TMEM165: variants seen among roughly 807,000 people sequenced by gnomAD.
TMEM165 encodes the protein putative divalent cation/proton antiporter TMEM165.
A neutral mutation model predicts 30.0 loss-of-function variants in TMEM165; 19 were observed. The observed-to-expected ratio is 0.63, with a 90% CI of 0.44 to 0.93. The LOEUF (loss-of-function observed/expected upper bound fraction) is 0.93. Ranked by LOEUF, TMEM165 falls within the 40% of genes least tolerant of loss-of-function variation. TMEM165 has a pLI of 0.00. For synonymous variants in TMEM165, 168 were observed against 162.9 expected (o/e 1.03, Z -0.24); for missense variants, 340 against 417.0 (o/e 0.82, Z 1.61).
exon 4 of TMEM165, chr4:55,453,101 G>C (rs1295947655): frequency 1.2e-6 from 2 of 1,612,616 alleles, no homozygotes; most frequent in Non-Finnish European, 8.5e-7. Flanking sequence ...CCAAGTTCTC[G>C]TCGTCTTTCA....
intron 1 of TMEM165, among the ~76,000 whole-genome samples, chr4:55,398,040 G>C (rs552504787): frequency 2.6e-4 from 39 of 152,178 alleles, no homozygotes; most frequent in African/African-American, 9.4e-4. Context: ...CATTGTTTTC[G>C]TGTTTCATGT....
At chr4:55,430,328 C>A (rs1722415974), downstream of TMEM165, 1 of 150,204 alleles carries the variant, frequency 6.7e-6, no homozygotes, top group East Asian at 1.9e-4. Flanking sequence ...GTTATAAACA[C>A]TCACAACAAA....
chr4:55,418,489 A>C (rs1578241067), intron 4 of TMEM165, among the ~76,000 whole-genome samples: 2 of 150,348 alleles, frequency 1.3e-5, no homozygotes, highest in African/African-American at 4.9e-5. Flanking sequence ...GCGCCACTGC[A>C]CTCCAGCCTT....
intron 3 of TMEM165, chr4:55,438,523 T>G (rs1173609671): frequency 1.2e-6 from 2 of 1,613,576 alleles, no homozygotes; most frequent in Non-Finnish European, 1.7e-6. Flanking sequence ...CACAAGTTGT[T>G]GACCTTGAGA....
intron 3 of TMEM165, chr4:55,442,215 T>C (rs1723426371): frequency 1.8e-6 from 1 of 554,954 alleles, no homozygotes; most frequent in Non-Finnish European, 3.2e-6. Context: ...TTTTGTAGCA[T>C]ATTTTTGGAC....
intron 4 of TMEM165, among the ~76,000 whole-genome samples, chr4:55,420,120 TAC>T (rs199874776): frequency 0.15 from 8,264 of 55,650 alleles, 1,247 homozygotes; most frequent in South Asian, 0.37. Context: ...TATATATATA[TAC>T]ATATATATTT....
chr4:55,396,709 A>G (rs976333312), intron 1 of TMEM165, among the ~76,000 whole-genome samples: 1 of 152,136 alleles, frequency 6.6e-6, no homozygotes, highest in African/African-American at 2.4e-5. Context: ...AGAAAGACTC[A>G]TCCCTACCAA....
At chr4:55,435,667 T>A (rs1722822078) in intron 3 of TMEM165, 1 of 1,468,428 alleles carries the variant, frequency 6.8e-7, no homozygotes, top group Non-Finnish European at 9.5e-7. Context: ...ACTCACACTC[T>A]CCCCTGTCCA....
chr4:55,403,700 A>C (rs948285282), intron 1 of TMEM165, among the ~76,000 whole-genome samples: 1 of 152,230 alleles, frequency 6.6e-6, no homozygotes, highest in Admixed American at 6.5e-5. Flanking sequence ...TTACCATGAT[A>C]TATAACACTG....
intron 2 of TMEM165, chr4:55,416,088 C>CA (rs1721706919): frequency 6.6e-6 from 1 of 152,150 alleles, no homozygotes; most frequent in Non-Finnish European, 1.5e-5. Context: ...CTCCTGGGCT[C>CA]AAGTAATCCG....
At chr4:55,399,521 G>C (rs1460248959) in intron 1 of TMEM165, among the ~76,000 whole-genome samples, 1 of 152,194 alleles carries the variant, frequency 6.6e-6, no homozygotes, top group South Asian at 2.1e-4. Flanking sequence ...GTGAGTGAGA[G>C]ATTATGAATA....
chr4:55,443,890 A>G, intron 3 of TMEM165: 1 of 1,612,092 alleles, frequency 6.2e-7, no homozygotes, highest in Non-Finnish European at 8.5e-7. Flanking sequence ...GATTGTTGCA[A>G]AAACATCTTT....
chr4:55,439,056 C>T (rs1442434047), intron 3 of TMEM165, among the ~76,000 whole-genome samples: 2 of 152,134 alleles, frequency 1.3e-5, no homozygotes, highest in African/African-American at 2.4e-5. Context: ...GCACTATCAA[C>T]AGAGTAAAAA....
intron 3 of TMEM165, among the ~76,000 whole-genome samples, chr4:55,448,601 C>CGCGCGCACGCGCGCGCGCGT (rs764071880): frequency 8.5e-6 from 1 of 116,980 alleles, no homozygotes; most frequent in Admixed American, 8.6e-5. Flanking sequence ...CGCACGCGCG[C>CGCGCGCACGCGCGCGCGCGT]GTGTGTGTGT....
chr4:55,400,456 A>T (rs988618956), intron 1 of TMEM165, among the ~76,000 whole-genome samples: 91 of 138,664 alleles, frequency 6.6e-4, no homozygotes, highest in Admixed American at 8.7e-4. Flanking sequence ...ATATATATAT[A>T]TTTTTTTGTC....
chr4:55,424,340 T>C (rs1364585359), intron 4 of TMEM165, 198 bp from the exon 5 acceptor site: 3 of 523,810 alleles, frequency 5.7e-6, no homozygotes, highest in Non-Finnish European at 6.8e-6. Context: ...AACTTTTAGG[T>C]CTAGTCTTAA....
chr4:55,442,755 T>A, intron 3 of TMEM165: 1 of 874,194 alleles, frequency 1.1e-6, no homozygotes, highest in Non-Finnish European at 1.8e-6. Flanking sequence ...GCAGGATATA[T>A]TACTCTGGGG....
chr4:55,426,537 A>G (rs886678610), downstream of TMEM165, among the ~76,000 whole-genome samples: 3 of 152,340 alleles, frequency 2.0e-5, no homozygotes, highest in East Asian at 3.9e-4. Flanking sequence ...CCCAAGTAGC[A>G]TAACAGCTGC....
At chr4:55,412,130 C>G (rs546119185) in intron 2 of TMEM165, 1 of 418,206 alleles carries the variant, frequency 2.4e-6, no homozygotes, top group Non-Finnish European at 4.4e-6. Context: ...CACAGTCACT[C>G]ACGCCTGTAA....
Sources: allele counts gnomAD v4.1 joint callset (sites outside exome capture counted in the v4.1 genomes callset), GRCh38; gene constraint gnomAD v4.1.1; transcripts MANE v1.5; gene names NCBI Gene and HGNC (gene_info 2026-07-23, HGNC 2026-07-21).